The following SCARA5 variants were observed in gnomAD, a reference collection of about 807,000 sequenced individuals.
SCARA5 encodes scavenger receptor class A member 5, also known as scavenger receptor class A, member 5 (putative).
SCARA5 carries 45 observed loss-of-function variants against 46.3 expected under a neutral mutation model. The observed-to-expected ratio is 0.97, with a 90% confidence interval of 0.76 to 1.24. SCARA5 has a LOEUF of 1.24. SCARA5 is among the 50% of genes most tolerant of loss of function. SCARA5 has a pLI of 0.00. For missense variants in SCARA5, 680 were observed against 689.0 expected, an observed-to-expected ratio of 0.99 and a Z score of 0.15; for synonymous variants, 333 against 306.5, an observed-to-expected ratio of 1.09 and a Z score of -0.90.
At chr8:27,906,398 G>C (rs1200790425) in intron 6 of SCARA5, among the ~76,000 whole-genome samples, 3 of 152,238 alleles carry the variant, frequency 2.0e-5, no homozygotes, top group Non-Finnish European at 2.9e-5. Context: ...AAATCAGAAG[G>C]AACATTTTTG....
intron 7 of SCARA5, among the ~76,000 whole-genome samples, chr8:27,902,855 G>T (rs1163358218): frequency 6.6e-6 from 1 of 152,126 alleles, no homozygotes; most frequent in African/African-American, 2.4e-5. Context: ...CCTGGAAAGG[G>T]ACTCTAGAGA....
chr8:27,905,700 CTTTTCT>C (rs1433417968), intron 6 of SCARA5, among the ~76,000 whole-genome samples: 1 of 66,714 alleles, frequency 1.5e-5, no homozygotes, highest in Non-Finnish European at 2.8e-5. Flanking sequence ...ATTTTCTTTT[CTTTTCT>C]TTTTTTTTTT....
chr8:27,960,903 G>A (rs1808284501), intron 3 of SCARA5, among the ~76,000 whole-genome samples: 1 of 152,200 alleles, frequency 6.6e-6, no homozygotes. Context: ...ATGCTTATGT[G>A]TGTGTACTGG....
chr8:27,904,947 G>C, intron 6 of SCARA5, 113 bp from the exon 7 acceptor site: 1 of 947,658 alleles, frequency 1.1e-6, no homozygotes, highest in South Asian at 1.5e-5. Context: ...TCAGGCAGGA[G>C]CCAGCAGCAA....
chr8:27,881,927 G>A (rs1235529345), intron 7 of SCARA5, among the ~76,000 whole-genome samples: 3 of 152,160 alleles, frequency 2.0e-5, no homozygotes, highest in African/African-American at 2.4e-5. Context: ...CTGCACATGC[G>A]ATGGGTTTGG....
intron 2 of SCARA5, among the ~76,000 whole-genome samples, chr8:27,975,154 A>G (rs1032739870): frequency 8.5e-5 from 13 of 152,152 alleles, no homozygotes; most frequent in African/African-American, 1.9e-4. Context: ...GATTTAATCA[A>G]TCATGCCTAC....
Position 27,966,560 on chromosome 8 carries a change from G to A in SCARA5, c.113-18C>T. The A allele has an allele frequency of 6.3e-7, 1 of 1,586,172 alleles. No individual in the cohort carries two copies. The highest frequency in any genetic ancestry group is 8.5e-7 in the Non-Finnish European group (1 of 1,170,496). On this transcript the variant is annotated intron_variant, in intron 2 of 8. Coordinates refer to ENST00000354914, the MANE Select transcript of SCARA5 (RefSeq NM_173833.6). Reference sequence around the variant, plus strand: ...ACATGGACCTGGACAATAAGGGTAAGAGGAGGAAGGAAAGAAGACACTTAA... The same window carrying A: ...ACATGGACCTGGACAATAAGGGTAAAAGGAGGAAGGAAAGAAGACACTTAA...
rs1023550127 is a variant in SCARA5, at chr8:27,873,862, AACCCCGTCTCT to A, written c.1352-1803_1352-1793del. 1.8e-4 allele frequency among the ~76,000 whole-genome samples: 27 copies of A among 152,134 alleles called. No individual in the cohort carries two copies. The South Asian group carries it at 2.5e-3, about 14-fold the overall frequency. On this transcript the variant is annotated intron_variant, in intron 8 of 8. Transcript: ENST00000354914. ...ATGGCAAAACCCCGTCTCTACTAAA[AACCCCGTCTCT>A]ACCCCGTCTCTACCAAAAACACAAA...
intron 2 of SCARA5, among the ~76,000 whole-genome samples, chr8:27,976,453 C>T (rs1273786232): frequency 6.6e-6 from 1 of 152,078 alleles, no homozygotes; most frequent in Non-Finnish European, 1.5e-5. Context: ...GACAATAAGT[C>T]CCTTAAAGAT....
At chr8:27,900,707 C>T (rs893462260) in intron 7 of SCARA5, among the ~76,000 whole-genome samples, 1 of 151,510 alleles carries the variant, frequency 6.6e-6, no homozygotes, top group Non-Finnish European at 1.5e-5. Context: ...GTTGCAAAAA[C>T]ACTATTTATT....
intron 4 of SCARA5, among the ~76,000 whole-genome samples, chr8:27,918,599 GAGA>G (rs1328246903): frequency 1.3e-5 from 2 of 149,858 alleles, no homozygotes; most frequent in Non-Finnish European, 3.0e-5. Context: ...AGAAGAGGAG[GAGA>G]AGGAGGAGGA....
At chr8:27,984,670 A>G (rs1357384897) in intron 2 of SCARA5, among the ~76,000 whole-genome samples, 3 of 151,422 alleles carry the variant, frequency 2.0e-5, no homozygotes, top group Non-Finnish European at 4.4e-5. Flanking sequence ...CCATCCATTC[A>G]CCCATCCATC....
intron 7 of SCARA5, chr8:27,903,130 A>T (rs1339669840): frequency 1.3e-5 from 2 of 152,162 alleles, no homozygotes; most frequent in Non-Finnish European, 2.9e-5. Flanking sequence ...TTTGGGAGTG[A>T]GGTCTCCTTC....
chr8:27,962,319 A>G (rs1808306013), intron 3 of SCARA5, among the ~76,000 whole-genome samples: 1 of 152,238 alleles, frequency 6.6e-6, no homozygotes, highest in Non-Finnish European at 1.5e-5. Flanking sequence ...CACAGTCTCC[A>G]TAAGGTGAAA....
chr8:27,872,697 T>TGGAA (rs1229906951), intron 8 of SCARA5, among the ~76,000 whole-genome samples: 1 of 152,226 alleles, frequency 6.6e-6, no homozygotes, highest in African/African-American at 2.4e-5. Context: ...AAACGTCTCC[T>TGGAA]GGAAGACACA....
intron 3 of SCARA5, among the ~76,000 whole-genome samples, chr8:27,933,320 G>C (rs1444963490): frequency 6.6e-6 from 1 of 151,498 alleles, no homozygotes; most frequent in African/African-American, 2.4e-5. Context: ...TCAGGAGTTC[G>C]AGACCAGCCT....
At chr8:27,966,284 C>T (rs1291419465) in intron 3 of SCARA5, 130 bp downstream of exon 3, 3 of 959,176 alleles carry the variant, frequency 3.1e-6, no homozygotes, top group East Asian at 2.7e-5. Context: ...AGAGCTTCTT[C>T]CTTCTTCCTC....
At chr8:27,955,160 C>A (rs547232084) in intron 3 of SCARA5, among the ~76,000 whole-genome samples, 2 of 152,130 alleles carry the variant, frequency 1.3e-5, no homozygotes, top group Non-Finnish European at 2.9e-5. Flanking sequence ...AGATGGGGAT[C>A]CCTGTGACCA....
chr8:27,884,416 G>A (rs1395506728), intron 7 of SCARA5, among the ~76,000 whole-genome samples: 2 of 152,238 alleles, frequency 1.3e-5, no homozygotes, highest in African/African-American at 4.8e-5. Context: ...GCCGCTGCGC[G>A]GGGCCTTGGC....
Sources: gnomAD v4.1 joint callset for allele counts (sites outside exome capture counted in the v4.1 genomes callset) on GRCh38, gnomAD v4.1.1 for gene constraint, MANE v1.5 for transcripts, NCBI Gene and HGNC (gene_info 2026-07-23, HGNC 2026-07-21) for gene names.